The following TUBB8B variants were observed in gnomAD, a reference collection of about 807,000 sequenced individuals.
TUBB8B encodes the protein tubulin beta 8B, also known as HSA18p11 beta-tubulin 4Q pseudogene.
In TUBB8B, 26 loss-of-function variants were observed where a neutral mutation model predicts 31.9. That is an observed-to-expected ratio of 0.81 (90% confidence interval 0.60 to 1.13). The LOEUF (loss-of-function observed/expected upper bound fraction) is 1.13, where lower values mean the gene tolerates loss of function less well. Among genes scored for constraint, TUBB8B ranks in the 50% most tolerant of loss-of-function variants. The pLI is 0.00. For synonymous variants in TUBB8B, 173 were observed against 231.0 expected (o/e 0.75, Z 2.28); for missense variants, 467 against 586.7 (o/e 0.80, Z 2.11).
At position 47,773 on chromosome 18, in the gene TUBB8B, T is replaced by G; in HGVS notation, c.952A>C (p.Arg318=). ...ACCTCCCTCATGGGCATGCGACCCCTGAAAATGGCAGCCACCGTTAGGTAG... is the reference window on the plus strand; with the variant it reads ...ACCTCCCTCATGGGCATGCGACCCCGGAAAATGGCAGCCACCGTTAGGTAG... ...GCYLTVAAIF[R]GRMPMREVDE... is the part of the protein sequence containing the mutation. Residue 318 remains arginine (R), a synonymous_variant, in exon 4 of 4, where the codon AGG becomes CGG. Transcript: ENST00000308911. 1 of 1,611,528 alleles carries G rather than the reference T, an allele frequency of 6.2e-7. No individual in the cohort carries two copies. The highest frequency in any genetic ancestry group is 8.5e-7 in the Non-Finnish European group (1 of 1,179,412).
chr18:50,877 T>C (rs1418080580), upstream of TUBB8B, among the ~76,000 whole-genome samples: 1 of 152,050 alleles, frequency 6.6e-6, no homozygotes, highest in Non-Finnish European at 1.5e-5. Flanking sequence ...CAATTAATTA[T>C]AGTCACTTTT....
chr18:60,621 C>A, the TUBB8B span, among the ~76,000 whole-genome samples: 1 of 151,680 alleles, frequency 6.6e-6, no homozygotes, highest in East Asian at 1.9e-4. Context: ...TATAATAGTA[C>A]CTCTTTTACC....
At chr18:63,749 A>ACCCTAGCCCTAACCCTAACCCTAG in the TUBB8B span, among the ~76,000 whole-genome samples, 1 of 123,716 alleles carries the variant, frequency 8.1e-6, no homozygotes, top group African/African-American at 3.3e-5. Context: ...TCTAACCCTA[A>ACCCTAGCCCTAACCCTAACCCTAG]CCCTAGCCCT....
the TUBB8B span, among the ~76,000 whole-genome samples, chr18:58,814 A>G: frequency 2.6e-5 from 4 of 151,806 alleles, no homozygotes; most frequent in Non-Finnish European, 5.9e-5. Flanking sequence ...TGGGTAATTT[A>G]TTTTTTAAAA....
chr18:47,492 G>T lies in TUBB8B; in HGVS notation c.1233C>A (p.Ala411=). ...EGMDEMEFTE[A]ESNMNDLVSE... is the part of the protein sequence containing the mutation. ...ACACCAGGTCGTTCATGTTGCTCTCGGCCTCGGTGAATTCCATCTCATCCA... is the reference window on the plus strand; with the variant it reads ...ACACCAGGTCGTTCATGTTGCTCTCTGCCTCGGTGAATTCCATCTCATCCA... Residue 411 remains alanine, a synonymous_variant, in exon 4 of 4, where the codon GCC becomes GCA. Coordinates refer to ENST00000308911, the MANE Select transcript of TUBB8B (RefSeq NM_001358689.2). 2 of 1,559,636 alleles carry T rather than the reference G, an allele frequency of 1.3e-6. No homozygotes were observed. The highest frequency in any genetic ancestry group is 2.3e-5 in the East Asian group (1 of 44,284).
chr18:51,431 T>G, upstream of TUBB8B, among the ~76,000 whole-genome samples: 1 of 151,834 alleles, frequency 6.6e-6, no homozygotes, highest in Non-Finnish European at 1.5e-5. Context: ...TCATGAGATC[T>G]GATGGTTTAT....
chr18:69,807 C>T, the TUBB8B span, among the ~76,000 whole-genome samples: 2 of 150,012 alleles, frequency 1.3e-5, no homozygotes, highest in Non-Finnish European at 2.9e-5. Context: ...AGCAGAAACA[C>T]ATAGGATTAA....
At position 48,167 on chromosome 18, in the gene TUBB8B, G is replaced by A. The variant is rs576187549; in HGVS notation, c.558C>T (p.Thr186=). 3 of 1,613,912 alleles carry A rather than the reference G, an allele frequency of 1.9e-6. No individual in the cohort carries two copies. Among genetic ancestry groups the A allele is most frequent in the Non-Finnish European group, 2.5e-6 (3 of 1,179,736 alleles). ...TTTCTATGAGCTGGTGGACTGAGAG[G>A]GTGGCGTTGTAGGGCTCCACCACGG... ...SDTVVEPYNA[T]LSVHQLIENA... is the part of the protein sequence containing the mutation. The change falls in exon 4 of 4, where the codon ACC becomes ACT. Residue 186 remains threonine (T), a synonymous_variant. Coordinates refer to ENST00000308911, the MANE Select transcript of TUBB8B (RefSeq NM_001358689.2).
chr18:60,211 G>A, the TUBB8B span, among the ~76,000 whole-genome samples: 1 of 151,536 alleles, frequency 6.6e-6, no homozygotes, highest in South Asian at 2.1e-4. Flanking sequence ...GTTCACTCTT[G>A]GTAAGTTGAG....
chr18:51,499 T>A (rs958612216), upstream of TUBB8B, among the ~76,000 whole-genome samples: 1 of 151,926 alleles, frequency 6.6e-6, no homozygotes, highest in African/African-American at 2.4e-5. Flanking sequence ...GAGTGCATTA[T>A]CATGATCTTG....
chr18:56,077 T>C, the TUBB8B span, among the ~76,000 whole-genome samples: 1 of 151,844 alleles, frequency 6.6e-6, no homozygotes, highest in Non-Finnish European at 1.5e-5. Flanking sequence ...CAGCCCTATT[T>C]ATTACAGAAA....
the TUBB8B span, among the ~76,000 whole-genome samples, chr18:62,759 T>C: frequency 1.3e-5 from 2 of 151,834 alleles, no homozygotes; most frequent in Non-Finnish European, 2.9e-5. Flanking sequence ...CTACCACCTC[T>C]TTAAGGCCAA....
At chr18:57,824 G>T in the TUBB8B span, among the ~76,000 whole-genome samples, 32 of 152,042 alleles carry the variant, frequency 2.1e-4, no homozygotes, top group African/African-American at 7.7e-4. Context: ...ATTATTTGAA[G>T]TAAAGGTGGA....
At chr18:60,852 G>A in the TUBB8B span, among the ~76,000 whole-genome samples, 5 of 151,572 alleles carry the variant, frequency 3.3e-5, no homozygotes, top group East Asian at 7.8e-4. Flanking sequence ...TTTTTTTAAT[G>A]TTTTTAGACT....
chr18:59,546 C>CTTTTT, the TUBB8B span, among the ~76,000 whole-genome samples: 7 of 136,838 alleles, frequency 5.1e-5, no homozygotes, highest in South Asian at 1.2e-3. Context: ...GTCCTTCATT[C>CTTTTT]TTTTTTTTTT....
At chr18:53,327 G>A (rs1345172904), upstream of TUBB8B, among the ~76,000 whole-genome samples, 1 of 151,884 alleles carries the variant, frequency 6.6e-6, no homozygotes, top group Admixed American at 6.6e-5. Context: ...TACCATAATG[G>A]CAGAAAAGAG....
the TUBB8B span, among the ~76,000 whole-genome samples, chr18:72,690 C>A: frequency 2.0e-5 from 3 of 152,228 alleles, no homozygotes; most frequent in South Asian, 6.2e-4. Flanking sequence ...ACTGACCAGG[C>A]GACGTGGCTC....
upstream of TUBB8B, among the ~76,000 whole-genome samples, chr18:51,591 C>T (rs532440860): frequency 5.5e-4 from 84 of 152,124 alleles, 2 homozygotes; most frequent in South Asian, 0.017. Context: ...AGGCACCCAC[C>T]ACCATGCCTG....
At chr18:67,289 C>A in the TUBB8B span, among the ~76,000 whole-genome samples, 1 of 152,194 alleles carries the variant, frequency 6.6e-6, no homozygotes, top group Non-Finnish European at 1.5e-5. Flanking sequence ...AGCCACCATG[C>A]CCAGCCTCAT....
Sources: gnomAD v4.1 joint callset for allele counts (sites outside exome capture counted in the v4.1 genomes callset) on GRCh38, gnomAD v4.1.1 for gene constraint, MANE v1.5 for transcripts, NCBI Gene and HGNC (gene_info 2026-07-23, HGNC 2026-07-21) for gene names.